CASZ1: variants seen among roughly 807,000 people sequenced by gnomAD.
CASZ1 encodes castor zinc finger 1.
In CASZ1, 28 loss-of-function variants were observed where a neutral mutation model predicts 135.2. The observed-to-expected ratio is 0.21, with a 90% confidence interval of 0.15 to 0.28. CASZ1 has a LOEUF of 0.28. Among genes scored for constraint, CASZ1 ranks in the 10% least tolerant of loss-of-function variants. The probability of loss-of-function intolerance (pLI) is 1.00; values close to 1 mark genes in which losing one functional copy is unlikely to be tolerated. For missense variants in CASZ1, 2,161 were observed against 2,453.3 expected (o/e 0.88, Z 2.52); for synonymous variants, 1,068 against 1,073.4 (o/e 0.99, Z 0.10).
chr1:10,781,828 C>T (rs1481849352), intron 1 of CASZ1, among the ~76,000 whole-genome samples: 2 of 152,216 alleles, frequency 1.3e-5, no homozygotes, highest in African/African-American at 2.4e-5. Context: ...CTATCGTGAA[C>T]CCTCTTTTAC....
intron 2 of CASZ1, among the ~76,000 whole-genome samples, chr1:10,716,365 G>A (rs1639393467): frequency 6.6e-6 from 1 of 152,240 alleles, no homozygotes; most frequent in Non-Finnish European, 1.5e-5. Context: ...TCCATTTCCA[G>A]AGGAAGTCAC....
rs1158496157 is a variant in CASZ1, at chr1:10,706,276, G to T, written c.-76-732C>A. ...GCCCTCCTGCCCAGATAATGAGTTT[G>T]GGGAGCCAGGTTCAAAGGGGCAGCC... On this transcript the variant is annotated intron_variant, in intron 2 of 20. Coordinates refer to ENST00000377022, the MANE Select transcript of CASZ1 (RefSeq NM_001079843.3). The surrounding 1 kb of genome is among the most constrained non-coding windows in gnomAD (Gnocchi z 4.3). Among the ~76,000 whole-genome samples, 1 of 152,208 alleles carries T rather than the reference G, an allele frequency of 6.6e-6. No individual in the cohort carries two copies. The highest frequency in any genetic ancestry group is 1.5e-5 in the Non-Finnish European group (1 of 68,026).
intron 2 of CASZ1, among the ~76,000 whole-genome samples, chr1:10,710,495 C>T (rs1266818520): frequency 6.6e-6 from 1 of 152,172 alleles, no homozygotes; most frequent in Non-Finnish European, 1.5e-5. Flanking sequence ...GCCTAGTTTG[C>T]TCTCCTTTTC....
intron 4 of CASZ1, among the ~76,000 whole-genome samples, chr1:10,673,800 C>G (rs1643481066): frequency 6.6e-6 from 1 of 152,286 alleles, no homozygotes; most frequent in Non-Finnish European, 1.5e-5. Context: ...TGTGGACCCT[C>G]CGTGGGCAGG....
In CASZ1 at chr1:10,689,360, T is replaced by C. The variant is rs533913124; in HGVS notation, c.16+4514A>G. 2.6e-5 allele frequency among the ~76,000 whole-genome samples: 4 copies of C among 152,312 alleles called. No individual in the cohort carries two copies. The East Asian group carries it at 5.8e-4, about 22-fold the overall frequency. On this transcript the variant is annotated intron_variant, in intron 4 of 20. Transcript: ENST00000377022. ...CAAAGGTGCCTGCATTTATTTTATT[T>C]TTCCATCATAAAAACCCAAGCTGCA...
In CASZ1 at chr1:10,707,260, A is replaced by G. The variant is rs1369053871; in HGVS notation, c.-76-1716T>C. On this transcript the variant is annotated intron_variant, in intron 2 of 20. Coordinates refer to ENST00000377022, the MANE Select transcript of CASZ1 (RefSeq NM_001079843.3). This position sits in a 1 kb window ranked among gnomAD's most constrained non-coding sequence, Gnocchi z 5.0. The stretch of plus-strand genomic sequence containing the variant: ...CTCCCATCCTCCCTGGCAACTGTGC[A>G]TTTATTAATTCATGAGGCACTAATT... Among the ~76,000 whole-genome samples the G allele has an allele frequency of 6.6e-6, 1 of 151,964 alleles. No individual in the cohort carries two copies. The highest frequency in any genetic ancestry group is 2.4e-5 in the African/African-American group (1 of 41,352).
At position 10,707,856 on chromosome 1, in the gene CASZ1, A is replaced by T. The variant is rs987919296; in HGVS notation, c.-76-2312T>A. On this transcript the variant is annotated intron_variant, in intron 2 of 20. Coordinates refer to ENST00000377022, the MANE Select transcript of CASZ1 (RefSeq NM_001079843.3). This position sits in a 1 kb window ranked among gnomAD's most constrained non-coding sequence, Gnocchi z 5.0. ...GACCTGGTAGCTGACGTAGTTAAGG[A>T]AGGATTCTCCAAGGCCGGGGGAGAG... Among the ~76,000 whole-genome samples the T allele has an allele frequency of 2.6e-5, 4 of 152,294 alleles. No individual in the cohort carries two copies. The highest frequency in any genetic ancestry group is 2.0e-4 in the Admixed American group (3 of 15,306).
intron 4 of CASZ1, among the ~76,000 whole-genome samples, chr1:10,675,466 G>A (rs1240215876): frequency 6.6e-6 from 1 of 152,124 alleles, no homozygotes; most frequent in Non-Finnish European, 1.5e-5. Flanking sequence ...CAGGGAACAG[G>A]CCTGGGTGGG....
intron 2 of CASZ1, among the ~76,000 whole-genome samples, chr1:10,743,411 G>A (rs1639966669): frequency 7.4e-6 from 1 of 134,364 alleles, no homozygotes; most frequent in African/African-American, 2.5e-5. Flanking sequence ...AAAGGGCTCA[G>A]AATGAAGGAG....
intron 2 of CASZ1, among the ~76,000 whole-genome samples, chr1:10,729,638 A>G (rs1197420239): frequency 6.6e-6 from 1 of 152,158 alleles, no homozygotes; most frequent in Non-Finnish European, 1.5e-5. Flanking sequence ...AAGTCCCCAT[A>G]GTGGAACACA....
chr1:10,637,848 C>T lies in CASZ1; in HGVS notation c.*1094G>A, dbSNP rs1642043003. The T allele has an allele frequency of 6.6e-6, 1 of 151,104 alleles. No homozygotes were observed. Among genetic ancestry groups the T allele is most frequent in the Non-Finnish European group, 1.5e-5 (1 of 67,842 alleles). The allele number at this position is 151,104 out of a possible 1,614,324, so 9.4% of individuals were successfully genotyped here. ...AAAAAAAAAAAGCCCTATAAAGCCA[C>T]ACGCATCACCAAGAGAGAACTCAAA... On this transcript the variant is annotated 3_prime_UTR_variant, in exon 21 of 21. Coordinates refer to ENST00000377022, the MANE Select transcript of CASZ1 (RefSeq NM_001079843.3).
At chr1:10,728,498 C>T (rs115785274) in intron 2 of CASZ1, among the ~76,000 whole-genome samples, 8 of 152,344 alleles carry the variant, frequency 5.3e-5, no homozygotes, top group South Asian at 4.1e-4. Context: ...CAATCGAGGG[C>T]GCAAACCCCA....
At chr1:10,790,072 C>T (rs1640928662) in intron 1 of CASZ1, among the ~76,000 whole-genome samples, 1 of 152,162 alleles carries the variant, frequency 6.6e-6, no homozygotes, top group South Asian at 2.1e-4. Context: ...CAGATGCCAC[C>T]GCCCAGGCAG....
Position 10,694,344 on chromosome 1 carries a change from A to G in CASZ1, c.-23-432T>C. On this transcript the variant is annotated intron_variant, in intron 3 of 20. Transcript: ENST00000377022. This position sits in a 1 kb window ranked among gnomAD's most constrained non-coding sequence, Gnocchi z 6.6. ...GAATTCACTTAAATAATCAACTTTC[A>G]TAATACTTAATTAATGCCTAATTGC... 1 of 1,145,940 alleles carries G rather than the reference A, an allele frequency of 8.7e-7. No individual in the cohort carries two copies. The highest frequency in any genetic ancestry group is 1.1e-6 in the Non-Finnish European group (1 of 907,018). The allele number at this position is 1,145,940 out of a possible 1,614,324, so 71.0% of individuals were successfully genotyped here.
chr1:10,645,399 G>A (rs976830106), intron 17 of CASZ1, among the ~76,000 whole-genome samples: 2 of 152,120 alleles, frequency 1.3e-5, no homozygotes, highest in African/African-American at 2.4e-5. Flanking sequence ...GCGTGGTGGC[G>A]GGCGCCTGTA....
rs533456895 is a variant in CASZ1, at chr1:10,657,796, G to T, written c.1409+712C>A. Among the ~76,000 whole-genome samples the T allele has an allele frequency of 6.6e-6, 1 of 150,996 alleles. No individual in the cohort carries two copies. The highest frequency in any genetic ancestry group is 2.4e-5 in the African/African-American group (1 of 41,020). On this transcript the variant is annotated intron_variant, in intron 7 of 20. Coordinates refer to ENST00000377022, the MANE Select transcript of CASZ1 (RefSeq NM_001079843.3). The surrounding 1 kb of genome is among the most constrained non-coding windows in gnomAD (Gnocchi z 5.7). The stretch of plus-strand genomic sequence containing the variant: ...TGCCCCATCAGAGGGCAGGCGGTGG[G>T]GGGGTGGGGGCGGGGGGTGTTATTT...
chr1:10,641,201 C>A (rs1642190302), intron 20 of CASZ1, among the ~76,000 whole-genome samples: 1 of 152,238 alleles, frequency 6.6e-6, no homozygotes, highest in African/African-American at 2.4e-5. Flanking sequence ...TGTAGGGGCA[C>A]CCAGGCAGGG....
chr1:10,690,722 T>C (rs931962586), intron 4 of CASZ1, among the ~76,000 whole-genome samples: 2 of 152,196 alleles, frequency 1.3e-5, no homozygotes, highest in Non-Finnish European at 2.9e-5. Context: ...CCCTCTTGCC[T>C]CTTTGGCCCT....
intron 12 of CASZ1, 72 bp from the exon 13 acceptor site, chr1:10,650,827 C>A (rs980909365): frequency 6.2e-7 from 1 of 1,602,564 alleles, no homozygotes; most frequent in African/African-American, 1.3e-5. Flanking sequence ...CCTTCCCTGC[C>A]CGACCCTGGG....
Sources: gnomAD v4.1 joint callset for allele counts (sites outside exome capture counted in the v4.1 genomes callset) on GRCh38, gnomAD v4.1.1 for gene constraint, Gnocchi (gnomAD v3.1) non-coding constraint, MANE v1.5 for transcripts, NCBI Gene and HGNC (gene_info 2026-07-23, HGNC 2026-07-21) for gene names.